NSUN2: variants seen among roughly 807,000 people sequenced by gnomAD.
The protein encoded by NSUN2 is NOP2/Sun RNA methyltransferase 2.
Under a neutral mutation model 92.7 loss-of-function variants are expected in NSUN2, and 63 were observed. That is an observed-to-expected ratio of 0.68 (90% CI 0.56 to 0.84). The LOEUF is 0.84. NSUN2 is among the 40% of genes least tolerant of loss of function. The pLI, the probability that NSUN2 is intolerant of heterozygous loss-of-function variation, is 0.00. For synonymous variants in NSUN2, 356 were observed against 348.3 expected (o/e 1.02, Z -0.25); for missense variants, 989 against 964.9 (o/e 1.02, Z -0.33).
At chr5:6,607,788 C>G (rs934696292) in intron 12 of NSUN2, among the ~76,000 whole-genome samples, 7 of 152,094 alleles carry the variant, frequency 4.6e-5, no homozygotes, top group African/African-American at 1.4e-4. Flanking sequence ...ATATAAATAA[C>G]GAGAAAGGAG....
intron 8 of NSUN2, among the ~76,000 whole-genome samples, chr5:6,617,358 T>C (rs1737251713): frequency 6.6e-6 from 1 of 152,174 alleles, no homozygotes; most frequent in Non-Finnish European, 1.5e-5. Flanking sequence ...TGCAAGACCA[T>C]GGCATTTGTC....
intron 18 of NSUN2, among the ~76,000 whole-genome samples, chr5:6,600,901 C>A (rs1214630225): frequency 1.3e-5 from 2 of 152,222 alleles, no homozygotes; most frequent in Non-Finnish European, 2.9e-5. Context: ...TGAACATGCT[C>A]CGAGCCTCCC....
In NSUN2 at chr5:6,618,165, AATCTGCTTTC is replaced by A. The variant is rs1443237654; in HGVS notation, c.816-151_816-142del. ...AACAATCTCCATTTTCACCAACTGC[AATCTGCTTTC>A]AGCTTTTGTTTTAGGGATTTTCTAA... On this transcript the variant is annotated intron_variant, in intron 7 of 18. Coordinates refer to ENST00000264670, the MANE Select transcript of NSUN2 (RefSeq NM_017755.6). The A allele has an allele frequency of 5.1e-6, 3 of 591,904 alleles. No individual in the cohort carries two copies. In the Admixed American group the frequency reaches 9.5e-5, roughly 19 times the overall value. 36.7% of individuals were successfully genotyped at this position (591,904 alleles called of 1,614,324 possible). A position where few individuals can be genotyped will look rare whatever the true frequency, so the allele number is the denominator to read the frequency against.
chr5:6,605,480 TCTC>T (rs1736731720), intron 14 of NSUN2, 72 bp from the exon 15 acceptor site: 2 of 1,514,668 alleles, frequency 1.3e-6, no homozygotes, highest in Non-Finnish European at 1.8e-6. Flanking sequence ...AACATCTTAT[TCTC>T]CTCCTCCAGA....
intron 3 of NSUN2, among the ~76,000 whole-genome samples, chr5:6,630,866 G>A (rs1287208570): frequency 6.6e-6 from 1 of 152,150 alleles, no homozygotes; most frequent in African/African-American, 2.4e-5. Context: ...AGGCCGAGGT[G>A]GGCGGATCAT....
chr5:6,614,826 G>C (rs1343097290), intron 9 of NSUN2, among the ~76,000 whole-genome samples: 1 of 152,046 alleles, frequency 6.6e-6, no homozygotes, highest in Non-Finnish European at 1.5e-5. Context: ...AAGCCCGGTG[G>C]ACTCAGGCCA....
Position 6,610,224 on chromosome 5 carries a change from T to G in NSUN2, c.1227-302A>C, listed in dbSNP as rs10057195. 6.4e-3 allele frequency among the ~76,000 whole-genome samples: 974 copies of G among 152,048 alleles called. 9 individuals carry two copies. The highest frequency in any genetic ancestry group is 0.018 in the African/African-American group (746 of 41,428). The stretch of plus-strand genomic sequence containing the variant: ...GACTACAGGCATGCAACACACTGCC[T>G]GGCCAGTTTTTGTATTTTTCTTTTT... On this transcript the variant is annotated intron_variant, in intron 11 of 18. Transcript: ENST00000264670.
At chr5:6,629,246 T>C (rs1397495553) in intron 3 of NSUN2, among the ~76,000 whole-genome samples, 1 of 152,218 alleles carries the variant, frequency 6.6e-6, no homozygotes, top group Non-Finnish European at 1.5e-5. Context: ...GTTTGGTAAT[T>C]ACCTTGTCAT....
Position 6,599,678 on chromosome 5 carries a change from C to A in NSUN2, c.*248G>T, listed in dbSNP as rs1736460390. On this transcript the variant is annotated 3_prime_UTR_variant, in exon 19 of 19. Transcript: ENST00000264670. ...TATTCCCAGCAAAAGAAACACTAGACCCAGCTTGGCCAAAGAAACAAAATA... is the reference window on the plus strand; with the variant it reads ...TATTCCCAGCAAAAGAAACACTAGAACCAGCTTGGCCAAAGAAACAAAATA... The A allele has an allele frequency of 8.6e-6, 4 of 466,090 alleles. No homozygotes were observed. The South Asian group carries it at 1.7e-4, about 19-fold the overall frequency. The allele number at this position is 466,090 out of a possible 1,614,324, so 28.9% of individuals were successfully genotyped here.
intron 12 of NSUN2, among the ~76,000 whole-genome samples, chr5:6,608,424 C>T (rs749578703): frequency 3.3e-5 from 5 of 152,216 alleles, no homozygotes; most frequent in Admixed American, 1.3e-4. Flanking sequence ...CAACAGAACA[C>T]GGCATCCTGA....
At chr5:6,614,075 AAC>A (rs1737110875) in intron 9 of NSUN2, among the ~76,000 whole-genome samples, 1 of 133,074 alleles carries the variant, frequency 7.5e-6, no homozygotes, top group African/African-American at 2.9e-5. Flanking sequence ...CAGCCTGGGC[AAC>A]AGAGCGAGAC....
At chr5:6,625,391 C>T (rs1239009371) in intron 4 of NSUN2, among the ~76,000 whole-genome samples, 173 bp downstream of exon 4, 6 of 152,164 alleles carry the variant, frequency 3.9e-5, no homozygotes, top group African/African-American at 1.4e-4. Flanking sequence ...CCAAACAAGG[C>T]AACGGATATA....
intron 3 of NSUN2, among the ~76,000 whole-genome samples, chr5:6,627,077 G>A (rs939988431): frequency 2.0e-5 from 3 of 152,022 alleles, no homozygotes; most frequent in African/African-American, 4.8e-5. Flanking sequence ...ATCTGTCCAC[G>A]GCCACCCTCC....
chr5:6,604,529 G>A, intron 16 of NSUN2, 76 bp downstream of exon 16: 1 of 1,338,774 alleles, frequency 7.5e-7, no homozygotes, highest in Middle Eastern at 1.9e-4. Flanking sequence ...CCATCTGGCT[G>A]ACCAGCAAGC....
At chr5:6,609,637 CTA>C (rs1483097384) in intron 12 of NSUN2, among the ~76,000 whole-genome samples, 187 bp downstream of exon 12, 1 of 152,186 alleles carries the variant, frequency 6.6e-6, no homozygotes, top group Non-Finnish European at 1.5e-5. Flanking sequence ...TACCTATCAC[CTA>C]TGAGAAATTT....
intron 4 of NSUN2, 56 bp downstream of exon 4, chr5:6,625,508 A>C (rs1012757374): frequency 5.4e-6 from 7 of 1,289,382 alleles, no homozygotes; most frequent in Non-Finnish European, 7.9e-6. Flanking sequence ...GAACTACACT[A>C]CATCTATGCA....
Position 6,632,652 on chromosome 5 carries a change from C to T in NSUN2, c.201G>A (p.Met67Ile). The change falls in exon 2 of 19, where the codon ATG (methionine) becomes ATA (isoleucine). Residue 67 changes from methionine (M) to isoleucine (I), a missense_variant. This residue lies in a region of NSUN2 where 356 missense variants were observed against 338.6 expected (regional missense o/e 1.05). Coordinates refer to ENST00000264670, the MANE Select transcript of NSUN2 (RefSeq NM_017755.6). ...CCGGGAGCGGCTCCCTGAGAGCGTC[C>T]ATGAACTGGCCCCACTCGCCCTCGG... ...IVPEGEWGQF[M>I]DALREPLPAT... 1.2e-6 allele frequency: 2 copies of T among 1,614,182 alleles called. No individual in the cohort carries two copies. The highest frequency in any genetic ancestry group is 1.7e-6 in the Non-Finnish European group (2 of 1,180,044).
intron 17 of NSUN2, 74 bp downstream of exon 17, chr5:6,604,064 G>A (rs986320447): frequency 4.5e-6 from 6 of 1,346,580 alleles, no homozygotes; most frequent in Admixed American, 2.0e-5. Context: ...ATGCCCCAAC[G>A]CACACCACCT....
Position 6,599,943 on chromosome 5 carries a change from C to A in NSUN2, c.2287G>T (p.Val763Phe). The A allele has an allele frequency of 6.2e-7, 1 of 1,613,164 alleles. No individual in the cohort carries two copies. The highest frequency in any genetic ancestry group is 8.5e-7 in the Non-Finnish European group (1 of 1,179,928). The stretch of plus-strand genomic sequence containing the variant: ...GGGCCTGCTCACCGGGGTGGATGGA[C>A]CCCCGCCGGGTCACAGCCTGCTGTC... ...DVTAGCDPAG[V>F]HPPR Residue 763 changes from valine to phenylalanine, a missense_variant, in exon 19 of 19, where the codon GTC becomes TTC. Coordinates refer to ENST00000264670, the MANE Select transcript of NSUN2 (RefSeq NM_017755.6).
Sources: gnomAD v4.1 joint callset for allele counts (sites outside exome capture counted in the v4.1 genomes callset) on GRCh38, gnomAD v4.1.1 for gene constraint, gnomAD v4.1.1 regional missense constraint, MANE v1.5 for transcripts, NCBI Gene and HGNC (gene_info 2026-07-23, HGNC 2026-07-21) for gene names.